Variants in HIVEP2 observed in about 807,000 individuals in gnomAD.
The protein encoded by HIVEP2 is HIVEP zinc finger 2, also known as transcription factor HIVEP2.
HIVEP2 carries 14 observed loss-of-function variants against 180.7 expected under a neutral mutation model. The observed-to-expected ratio is 0.08, with a 90% confidence interval of 0.05 to 0.12. The LOEUF is 0.12. Among genes scored for constraint, HIVEP2 ranks in the 10% least tolerant of loss-of-function variants. HIVEP2 has a pLI of 1.00. For missense variants in HIVEP2, 2,579 were observed against 3,008.5 expected (o/e 0.86, Z 3.34); for synonymous variants, 1,184 against 1,136.4 (o/e 1.04, Z -0.84).
intron 1 of HIVEP2, among the ~76,000 whole-genome samples, chr6:142,863,017 C>A (rs1463552124): frequency 1.5e-5 from 2 of 136,728 alleles, no homozygotes; most frequent in Non-Finnish European, 1.5e-5. Context: ...TTATATATTA[C>A]ATACAATATG....
intron 2 of HIVEP2, among the ~76,000 whole-genome samples, chr6:142,812,573 A>C (rs1195793050): frequency 6.6e-6 from 1 of 152,218 alleles, no homozygotes; most frequent in African/African-American, 2.4e-5. Flanking sequence ...AATAAGGTAA[A>C]ATTCTGGCAT....
In HIVEP2 at chr6:142,900,744, G is replaced by A. The variant is rs533019089; in HGVS notation, c.-641+44355C>T. Among the ~76,000 whole-genome samples, 5 of 152,290 alleles carry A rather than the reference G, an allele frequency of 3.3e-5. No individual in the cohort carries two copies. The South Asian group carries it at 1.0e-3, about 32-fold the overall frequency. Reference sequence around the variant, plus strand: ...GCTGGATCATGTAAAAGACCAGAGTGCAGCTGATGTGAACTTCTATCAGGC... The same window carrying A: ...GCTGGATCATGTAAAAGACCAGAGTACAGCTGATGTGAACTTCTATCAGGC... On this transcript the variant is annotated intron_variant, in intron 1 of 9. Transcript: ENST00000367603.
Position 142,759,814 on chromosome 6 carries a change from C to G in HIVEP2, c.6474G>C (p.Met2158Ile), listed in dbSNP as rs750417341. The change falls in exon 9 of 10, where the codon ATG becomes ATC. Residue 2158 changes from methionine to isoleucine, a missense_variant. Met to Ile is a conservative substitution (Grantham distance 10, BLOSUM62 1). Transcript: ENST00000367603. ...RALYHNPPLS[M>I]GQYLQAEPIV... ...TTGGCTCTGCTTGCAAATACTGTCC[C>G]ATGGACAATGGTGGGTTATGGTATA... The G allele has an allele frequency of 5.6e-6, 9 of 1,612,372 alleles. No individual in the cohort carries two copies. The highest frequency in any genetic ancestry group is 7.6e-6 in the Non-Finnish European group (9 of 1,178,958).
At chr6:142,886,715 T>C (rs947451321) in intron 1 of HIVEP2, among the ~76,000 whole-genome samples, 1 of 152,202 alleles carries the variant, frequency 6.6e-6, no homozygotes, top group Non-Finnish European at 1.5e-5. Flanking sequence ...ATAGAATTTA[T>C]CTCAGTGCTT....
chr6:142,797,906 C>T (rs955741391), intron 2 of HIVEP2, among the ~76,000 whole-genome samples: 3 of 152,078 alleles, frequency 2.0e-5, no homozygotes, highest in Admixed American at 2.0e-4. Context: ...AGGGAGACCA[C>T]TGTACACACA....
At chr6:142,818,839 A>C (rs1263964909) in intron 2 of HIVEP2, among the ~76,000 whole-genome samples, 1 of 151,902 alleles carries the variant, frequency 6.6e-6, no homozygotes, top group Non-Finnish European at 1.5e-5. Flanking sequence ...AACCCAGTCC[A>C]TTAAAAAATG....
intron 1 of HIVEP2, among the ~76,000 whole-genome samples, chr6:142,938,621 C>A (rs932083478): frequency 1.3e-5 from 2 of 152,218 alleles, no homozygotes; most frequent in African/African-American, 4.8e-5. Flanking sequence ...TGTGTATGCA[C>A]ACGTGCAAAC....
intron 1 of HIVEP2, among the ~76,000 whole-genome samples, chr6:142,900,337 G>C (rs1315844488): frequency 6.6e-6 from 1 of 152,150 alleles, no homozygotes; most frequent in Non-Finnish European, 1.5e-5. Flanking sequence ...TCTGAGAGTT[G>C]AGTGAGGGGC....
At position 142,771,819 on chromosome 6, in the gene HIVEP2, A is replaced by G. The variant is rs1775553830; in HGVS notation, c.2920T>C (p.Ser974Pro). The G allele has an allele frequency of 2.5e-6, 4 of 1,614,078 alleles. No homozygotes were observed. ...GACATGGAGAAACTGGAGCTGTGGG[A>G]CAAGTTGCTTTCTTGGCTGGGGCTG... ...SRSPSQESNLSHSSSFSMSFE... is the reference protein window; with the variant it reads ...SRSPSQESNLPHSSSFSMSFE... Residue 974 changes from serine to proline, a missense_variant, in exon 5 of 10, where the codon TCC becomes CCC. By Grantham distance (74) the Ser-to-Pro change is moderately conservative. Transcript: ENST00000367603. The surrounding 1 kb of genome is among the most constrained non-coding windows in gnomAD (Gnocchi z 5.4).
chr6:142,788,463 A>G (rs1776060315), intron 2 of HIVEP2: 2 of 152,474 alleles, frequency 1.3e-5, no homozygotes, highest in South Asian at 4.1e-4. Context: ...CTGTAATCCC[A>G]GCACTTTGGG....
intron 1 of HIVEP2, among the ~76,000 whole-genome samples, chr6:142,888,603 G>A (rs1232318899): frequency 1.3e-5 from 2 of 152,158 alleles, no homozygotes; most frequent in Admixed American, 6.5e-5. Flanking sequence ...CTGCAAGAGT[G>A]CATGCACACA....
At chr6:142,908,366 G>A (rs1777319780) in intron 1 of HIVEP2, among the ~76,000 whole-genome samples, 1 of 152,090 alleles carries the variant, frequency 6.6e-6, no homozygotes, top group African/African-American at 2.4e-5. Flanking sequence ...TCATGCAATT[G>A]GTCTTTTTCT....
chr6:142,940,195 A>T (rs1778142943), intron 1 of HIVEP2, among the ~76,000 whole-genome samples: 1 of 152,220 alleles, frequency 6.6e-6, no homozygotes, highest in African/African-American at 2.4e-5. Flanking sequence ...CTGAATTGGT[A>T]GTTATTTATT....
chr6:142,790,281 C>T (rs894432049), intron 2 of HIVEP2, among the ~76,000 whole-genome samples: 3 of 152,126 alleles, frequency 2.0e-5, no homozygotes, highest in Non-Finnish European at 4.4e-5. Context: ...AGGGCAGAGC[C>T]AAGTAGATGT....
chr6:142,937,357 A>C (rs1016476626), intron 1 of HIVEP2, among the ~76,000 whole-genome samples: 1 of 152,252 alleles, frequency 6.6e-6, no homozygotes, highest in Non-Finnish European at 1.5e-5. Context: ...CCTTGTTAAT[A>C]ATAACCCATA....
chr6:142,759,048 T>A (rs197463), intron 9 of HIVEP2, among the ~76,000 whole-genome samples: 1 of 151,944 alleles, frequency 6.6e-6, no homozygotes, highest in Non-Finnish European at 1.5e-5. Flanking sequence ...ATGTCTGTAA[T>A]CCTAGCACTT....
In HIVEP2 at chr6:142,924,574, C is replaced by T. The variant is rs77103566; in HGVS notation, c.-641+20525G>A. On this transcript the variant is annotated intron_variant, in intron 1 of 9. Coordinates refer to ENST00000367603, the MANE Select transcript of HIVEP2 (RefSeq NM_006734.4). The stretch of plus-strand genomic sequence containing the variant: ...TAAACTTCTCAGTTAAGAGGAAAAA[C>T]ATCTTCTCCTACTGACCCTAAACAG... Among the ~76,000 whole-genome samples, 1,294 of 152,292 alleles carry T rather than the reference C, an allele frequency of 8.5e-3. 17 individuals carry two copies. Among genetic ancestry groups the T allele is most frequent in the African/African-American group, 0.03 (1,227 of 41,556 alleles).
Position 142,820,882 on chromosome 6 carries a change from C to A in HIVEP2, c.-528+16053G>T, listed in dbSNP as rs188612651. On this transcript the variant is annotated intron_variant, in intron 2 of 9. Transcript: ENST00000367603. ...AGTTATAGCAAGCTTAGCTTCTCAG[C>A]CAGCACTCAGATTTGCAGACTTTTA... Among the ~76,000 whole-genome samples the A allele has an allele frequency of 2.0e-5, 3 of 152,260 alleles. No individual in the cohort carries two copies. In the East Asian group the frequency reaches 5.8e-4, roughly 29 times the overall value.
intron 9 of HIVEP2, among the ~76,000 whole-genome samples, chr6:142,757,658 AAAT>A (rs1244412720): frequency 6.6e-6 from 1 of 152,216 alleles, no homozygotes; most frequent in Non-Finnish European, 1.5e-5. Flanking sequence ...CTCCATCTCA[AAAT>A]AATAATAATA....
Sources: allele counts gnomAD v4.1 joint callset (sites outside exome capture counted in the v4.1 genomes callset), GRCh38; gene constraint gnomAD v4.1.1; non-coding constraint Gnocchi (gnomAD v3.1); transcripts MANE v1.5; gene names NCBI Gene and HGNC (gene_info 2026-07-23, HGNC 2026-07-21).